Variants in BLTP1 observed in about 807,000 individuals in gnomAD.
The protein encoded by BLTP1 is bridge-like lipid transfer protein family member 1.
the BLTP1 span, among the ~76,000 whole-genome samples, chr4:122,330,033 C>T: frequency 6.6e-6 from 1 of 151,830 alleles, no homozygotes; most frequent in Non-Finnish European, 1.5e-5. Flanking sequence ...CAAGTTCATA[C>T]ATGTTGTCAC....
the BLTP1 span, chr4:122,190,389 G>T: frequency 1.0e-6 from 1 of 974,896 alleles, no homozygotes; most frequent in South Asian, 4.8e-5. Context: ...AGCCCATGGT[G>T]CCTGGCCTGT....
At chr4:122,293,335 G>C in the BLTP1 span, 1 of 244,450 alleles carries the variant, frequency 4.1e-6, no homozygotes, top group Non-Finnish European at 6.5e-6. Context: ...TCAGTTTCTT[G>C]CTTTGGGAGG....
chr4:122,188,105 A>G, the BLTP1 span: 67 of 1,435,996 alleles, frequency 4.7e-5, no homozygotes, highest in Admixed American at 1.7e-3. Flanking sequence ...AAATCTTATA[A>G]AAATAATAAA....
chr4:122,341,528 A>G, the BLTP1 span: 996 of 174,230 alleles, frequency 5.7e-3, 9 homozygotes, highest in African/African-American at 0.023. Context: ...AGCAGTATAT[A>G]TGCACCATGC....
the BLTP1 span, chr4:122,345,072 G>C: frequency 1.0e-6 from 1 of 956,390 alleles, no homozygotes; most frequent in Non-Finnish European, 1.2e-6. Context: ...AGAATACTGA[G>C]TAAAAACTTT....
chr4:122,156,550 A>G, the BLTP1 span, among the ~76,000 whole-genome samples: 1 of 152,210 alleles, frequency 6.6e-6, no homozygotes, highest in Admixed American at 6.5e-5. Context: ...GAGCAAGAGC[A>G]GTTTTATAAG....
At chr4:122,224,641 G>A in the BLTP1 span, 1 of 1,613,928 alleles carries the variant, frequency 6.2e-7, no homozygotes, top group Admixed American at 1.7e-5. Flanking sequence ...TTGATGTGCA[G>A]GCTGGAAGTC....
At chr4:122,192,348 T>G in the BLTP1 span, 1 of 1,613,116 alleles carries the variant, frequency 6.2e-7, no homozygotes, top group East Asian at 2.2e-5. Context: ...AGGAACAGAT[T>G]TTAATTATGG....
chr4:122,155,449 G>A, the BLTP1 span, among the ~76,000 whole-genome samples: 631 of 151,580 alleles, frequency 4.2e-3, 2 homozygotes, highest in African/African-American at 0.014. Context: ...TCAAGCTCCC[G>A]AGTAGCTGGG....
At chr4:122,221,927 C>T in the BLTP1 span, 6 of 981,890 alleles carry the variant, frequency 6.1e-6, no homozygotes, top group Non-Finnish European at 7.3e-6. Flanking sequence ...CTTTTCCAGA[C>T]ATAGAAAACA....
At chr4:122,173,323 G>A in the BLTP1 span, 30 of 219,116 alleles carry the variant, frequency 1.4e-4, no homozygotes, top group Non-Finnish European at 2.2e-4. Context: ...GGGTGCATCT[G>A]GTAAGGACCT....
At chr4:122,208,548 A>G in the BLTP1 span, 1 of 946,766 alleles carries the variant, frequency 1.1e-6, no homozygotes, top group Non-Finnish European at 1.3e-6. Flanking sequence ...AAAAATATAG[A>G]ACATAGTCCA....
the BLTP1 span, among the ~76,000 whole-genome samples, chr4:122,228,170 C>T: frequency 1.4e-4 from 22 of 152,270 alleles, no homozygotes; most frequent in African/African-American, 4.8e-4. Flanking sequence ...GCCTTTGCCT[C>T]CCAAAGTGCT....
chr4:122,258,864 G>A, the BLTP1 span: 1 of 1,528,568 alleles, frequency 6.5e-7, no homozygotes, highest in Non-Finnish European at 8.9e-7. Flanking sequence ...GCTCTTTTTG[G>A]TTAGAGTTAT....
At chr4:122,336,191 G>C in the BLTP1 span, 2 of 1,583,512 alleles carry the variant, frequency 1.3e-6, no homozygotes. Flanking sequence ...AAATGTTCTA[G>C]CCAAAGGAAA....
the BLTP1 span, chr4:122,336,617 C>T: frequency 1.0e-6 from 1 of 977,120 alleles, no homozygotes; most frequent in Non-Finnish European, 1.2e-6. Flanking sequence ...CTTAGTGTGT[C>T]CCTTGGACTG....
the BLTP1 span, among the ~76,000 whole-genome samples, chr4:122,205,707 C>CCT: frequency 6.9e-5 from 9 of 130,568 alleles, no homozygotes; most frequent in Admixed American, 1.6e-4. Context: ...CAATTGTTTC[C>CCT]CTCTCTCTCT....
chr4:122,261,270 C>T, the BLTP1 span: 1 of 984,362 alleles, frequency 1.0e-6, no homozygotes, highest in Non-Finnish European at 1.2e-6. Flanking sequence ...AGCTTTTTTT[C>T]CTGATGGACA....
chr4:122,189,199 T>A, the BLTP1 span: 1 of 805,254 alleles, frequency 1.2e-6, no homozygotes, highest in Non-Finnish European at 1.5e-6. Context: ...ATGATGATAT[T>A]AAACATTAAG....
Sources: allele counts gnomAD v4.1 joint callset (sites outside exome capture counted in the v4.1 genomes callset), GRCh38; gene constraint gnomAD v4.1.1; transcripts MANE v1.5; gene names NCBI Gene and HGNC (gene_info 2026-07-23, HGNC 2026-07-21).